The following NXPE4 variants were observed in gnomAD, a reference collection of about 807,000 sequenced individuals.
The protein encoded by NXPE4 is neurexophilin and PC-esterase domain family member 4.
In NXPE4, 42 loss-of-function variants were observed where a neutral mutation model predicts 33.3. The ratio of observed to expected loss-of-function variants is 1.26; its 90% CI spans 0.98 to 1.63. NXPE4 has a LOEUF of 1.63. NXPE4 is among the 40% of genes most tolerant of loss of function. The probability of loss-of-function intolerance (pLI) is 0.00; values close to 1 mark genes in which losing one functional copy is unlikely to be tolerated. For synonymous variants in NXPE4, 253 were observed against 234.9 expected, an observed-to-expected ratio of 1.08 and a Z score of -0.71; for missense variants, 709 against 647.6, an observed-to-expected ratio of 1.09 and a Z score of -1.03.
chr11:114,599,614 G>A (rs1217864220), upstream of NXPE4, among the ~76,000 whole-genome samples: 1 of 152,176 alleles, frequency 6.6e-6, no homozygotes, highest in African/African-American at 2.4e-5. Context: ...GGTAGCTTCT[G>A]CTTCTGGGAA....
the NXPE4 span, among the ~76,000 whole-genome samples, chr11:114,653,394 T>G: frequency 6.6e-6 from 1 of 152,144 alleles, no homozygotes; most frequent in South Asian, 2.1e-4. Flanking sequence ...AAACCATCTA[T>G]TTTTTTTCTC....
At chr11:114,619,773 G>C in the NXPE4 span, among the ~76,000 whole-genome samples, 1 of 152,150 alleles carries the variant, frequency 6.6e-6, no homozygotes, top group Admixed American at 6.5e-5. Context: ...CTGTTACCAG[G>C]TGGATAATAA....
At chr11:114,617,700 G>C in the NXPE4 span, among the ~76,000 whole-genome samples, 1 of 152,222 alleles carries the variant, frequency 6.6e-6, no homozygotes. Context: ...ACTGCCTCGT[G>C]GGTAACCACT....
upstream of NXPE4, among the ~76,000 whole-genome samples, chr11:114,597,008 A>G (rs1315468251): frequency 6.6e-6 from 1 of 152,234 alleles, no homozygotes; most frequent in Non-Finnish European, 1.5e-5. Flanking sequence ...GTGTGTTTAT[A>G]GTGTATATGT....
the NXPE4 span, among the ~76,000 whole-genome samples, chr11:114,672,903 T>C: frequency 6.6e-6 from 1 of 151,450 alleles, no homozygotes; most frequent in African/African-American, 2.4e-5. Context: ...TTAGAACAAC[T>C]AGACAGAATA....
chr11:114,651,800 G>A, the NXPE4 span, among the ~76,000 whole-genome samples: 1 of 152,174 alleles, frequency 6.6e-6, no homozygotes, highest in African/African-American at 2.4e-5. Context: ...GCTAGACACA[G>A]AGTGCTGATT....
chr11:114,575,828 T>G (rs942320950), intron 5 of NXPE4, among the ~76,000 whole-genome samples: 4 of 152,196 alleles, frequency 2.6e-5, no homozygotes, highest in Non-Finnish European at 5.9e-5. Flanking sequence ...ACCATCATTC[T>G]TCACAGAACT....
rs749708679 is a variant in NXPE4, at chr11:114,571,284, A to G, written c.1289T>C (p.Val430Ala). The G allele has an allele frequency of 9.3e-6, 15 of 1,613,890 alleles. No individual in the cohort carries two copies. The Admixed American group carries it at 2.3e-4, about 25-fold the overall frequency. ...ATGCTGGCCCAGGGAAATAACAATG[A>G]CAGTATTTTTTTCTCCTCCAGTTCT... Reference protein sequence around the residue: ...IDRTGGEKNTVIVISLGQHFR... With the variant: ...IDRTGGEKNTAIVISLGQHFR... Residue 430 changes from valine (V) to alanine (A), a missense_variant, in exon 6 of 6, where the codon GTC becomes GCC. By Grantham distance (64) the Val-to-Ala change is moderately conservative. Coordinates refer to ENST00000375478, the MANE Select transcript of NXPE4 (RefSeq NM_001077639.2).
the NXPE4 span, among the ~76,000 whole-genome samples, chr11:114,650,561 C>T: frequency 6.7e-6 from 1 of 150,170 alleles, no homozygotes; most frequent in East Asian, 2.0e-4. Flanking sequence ...GTTCTCCTTC[C>T]CCAGGAAGTG....
chr11:114,642,730 G>A, the NXPE4 span, among the ~76,000 whole-genome samples: 1 of 152,032 alleles, frequency 6.6e-6, no homozygotes, highest in African/African-American at 2.4e-5. Flanking sequence ...ACATATGTGT[G>A]CATGTGTCTT....
At chr11:114,647,843 A>G in the NXPE4 span, among the ~76,000 whole-genome samples, 1 of 152,032 alleles carries the variant, frequency 6.6e-6, no homozygotes, top group Non-Finnish European at 1.5e-5. Flanking sequence ...CTAAGATTAC[A>G]GGTGCCTGCC....
chr11:114,661,424 A>G, the NXPE4 span, among the ~76,000 whole-genome samples: 1 of 152,162 alleles, frequency 6.6e-6, no homozygotes, highest in Admixed American at 6.5e-5. Flanking sequence ...AACAAAGGTA[A>G]ACAGAATCCT....
At chr11:114,665,781 TAA>T in the NXPE4 span, among the ~76,000 whole-genome samples, 8 of 152,300 alleles carry the variant, frequency 5.3e-5, no homozygotes, top group African/African-American at 1.9e-4. Context: ...TGTGCAGGTT[TAA>T]AGTTTCTCCT....
the NXPE4 span, among the ~76,000 whole-genome samples, chr11:114,660,716 A>G: frequency 6.6e-6 from 1 of 152,124 alleles, no homozygotes; most frequent in Non-Finnish European, 1.5e-5. Context: ...ATAATGTTCA[A>G]TCTTGCTGTT....
chr11:114,610,765 C>T, the NXPE4 span, among the ~76,000 whole-genome samples: 3 of 147,004 alleles, frequency 2.0e-5, no homozygotes, highest in Non-Finnish European at 4.5e-5. Context: ...GTTGCCTTGT[C>T]GGTAACCACT....
At chr11:114,654,231 C>T in the NXPE4 span, among the ~76,000 whole-genome samples, 6 of 152,020 alleles carry the variant, frequency 3.9e-5, no homozygotes, top group Admixed American at 6.6e-5. Flanking sequence ...AAAAACACAT[C>T]CAAAGCCCCT....
the NXPE4 span, among the ~76,000 whole-genome samples, chr11:114,626,208 C>T: frequency 6.6e-6 from 1 of 152,202 alleles, no homozygotes; most frequent in Non-Finnish European, 1.5e-5. Flanking sequence ...TCTGTAGGCT[C>T]CACCTCTGGG....
the NXPE4 span, among the ~76,000 whole-genome samples, chr11:114,638,641 T>G: frequency 6.6e-6 from 1 of 152,086 alleles, no homozygotes; most frequent in African/African-American, 2.4e-5. Flanking sequence ...GATAGGTTTT[T>G]GGTGTGGATG....
the NXPE4 span, among the ~76,000 whole-genome samples, chr11:114,660,963 C>A: frequency 1.3e-5 from 2 of 151,950 alleles, no homozygotes; most frequent in East Asian, 3.9e-4. Context: ...TATTGTTATT[C>A]TGTCAATCAT....
Sources: gnomAD v4.1 joint callset for allele counts (sites outside exome capture counted in the v4.1 genomes callset) on GRCh38, gnomAD v4.1.1 for gene constraint, MANE v1.5 for transcripts, NCBI Gene and HGNC (gene_info 2026-07-23, HGNC 2026-07-21) for gene names.